Variants in PROSER1 observed in about 807,000 individuals in gnomAD.
The protein encoded by PROSER1 is proline and serine-rich protein 1.
In PROSER1, 36 loss-of-function variants were observed where a neutral mutation model predicts 71.8. That is an observed-to-expected ratio of 0.50 (90% CI 0.38 to 0.66). The LOEUF (loss-of-function observed/expected upper bound fraction) is 0.66. PROSER1 is among the 30% of genes least tolerant of loss of function. The pLI, the probability that PROSER1 is intolerant of heterozygous loss-of-function variation, is 0.00. For missense variants in PROSER1, 1,107 were observed against 1,135.0 expected, an observed-to-expected ratio of 0.98 and a Z score of 0.35; for synonymous variants, 490 against 452.4, an observed-to-expected ratio of 1.08 and a Z score of -1.06.
chr13:39,035,297 CAT>C, intron 1 of PROSER1, among the ~76,000 whole-genome samples: 1 of 152,258 alleles, frequency 6.6e-6, no homozygotes, highest in African/African-American at 2.4e-5. Context: ...GATGCCAAGT[CAT>C]ATCTCAATTC....
Position 39,011,426 on chromosome 13 carries a change from G to A in PROSER1, c.2774C>T (p.Pro925Leu), listed in dbSNP as rs1459416491. The A allele has an allele frequency of 6.2e-7, 1 of 1,614,042 alleles. No individual in the cohort carries two copies. Among genetic ancestry groups the A allele is most frequent in the Non-Finnish European group, 8.5e-7 (1 of 1,179,902 alleles). Reference sequence around the variant, plus strand: ...AGAAAATGGTGTTCCTGGCGCTGAAGGATAACTAGGAAACCCATCAGGCTG... The same window carrying A: ...AGAAAATGGTGTTCCTGGCGCTGAAAGATAACTAGGAAACCCATCAGGCTG... The part of the protein sequence containing the change: ...PAQPDGFPSY[P>L]SAPGTPFSLQ... Residue 925 changes from proline to leucine, a missense_variant, in exon 13 of 13, where the codon CCT (proline) becomes CTT (leucine). By Grantham distance (98) the Pro-to-Leu change is moderately conservative. Coordinates refer to ENST00000352251, the MANE Select transcript of PROSER1 (RefSeq NM_025138.5).
Position 39,011,421 on chromosome 13 carries a change from C to G in PROSER1, c.2779G>C (p.Ala927Pro). 1 of 1,614,104 alleles carries G rather than the reference C, an allele frequency of 6.2e-7. No homozygotes were observed. Among genetic ancestry groups the G allele is most frequent in the South Asian group, 1.1e-5 (1 of 91,086 alleles). ...QPDGFPSYPS[A>P]PGTPFSLQPS... ...TGCAAAGAAAATGGTGTTCCTGGCG[C>G]TGAAGGATAACTAGGAAACCCATCA... Residue 927 changes from alanine to proline, a missense_variant, in exon 13 of 13, where the codon GCG becomes CCG. Ala to Pro is a conservative substitution (Grantham distance 27). Coordinates refer to ENST00000352251, the MANE Select transcript of PROSER1 (RefSeq NM_025138.5).
chr13:39,014,238 T>C lies in PROSER1; in HGVS notation c.1014A>G (p.Arg338=). The C allele has an allele frequency of 6.2e-7, 1 of 1,614,090 alleles. No homozygotes were observed. The highest frequency in any genetic ancestry group is 8.5e-7 in the Non-Finnish European group (1 of 1,180,028). The part of the protein sequence containing the change: ...QPSIPNPTVI[R]TPSLPTAPVT... ...CAGGTGCAGTGGGCAATGAAGGGGT[T>C]CTGATAACTGTTGGGTTTGGTATTG... The change falls in exon 11 of 13, where the codon AGA becomes AGG. Residue 338 remains arginine, a synonymous_variant. Coordinates refer to ENST00000352251, the MANE Select transcript of PROSER1 (RefSeq NM_025138.5).
At chr13:39,022,438 A>C in intron 8 of PROSER1, 26 bp from the exon 9 acceptor site, 1 of 1,496,472 alleles carries the variant, frequency 6.7e-7, no homozygotes, top group Non-Finnish European at 9.3e-7. Context: ...AATAGAAAAA[A>C]ATATACCTTA....
Position 39,011,381 on chromosome 13 carries a change from T to C in PROSER1, c.2819A>G (p.Gln940Arg), listed in dbSNP as rs763755560. The change falls in exon 13 of 13, where the codon CAG becomes CGG. Residue 940 changes from glutamine to arginine, a missense_variant. Coordinates refer to ENST00000352251, the MANE Select transcript of PROSER1 (RefSeq NM_025138.5). ...TPFSLQPSLSQSGWQ is the reference protein window; with the variant it reads ...TPFSLQPSLSRSGWQ ...TAAAAGTATTCACTGCCACCCACTC[T>C]GGGACAGGCTTGGTTGCAAAGAAAA... 2 of 1,614,034 alleles carry C rather than the reference T, an allele frequency of 1.2e-6. No homozygotes were observed. Among genetic ancestry groups the C allele is most frequent in the East Asian group, 2.2e-5 (1 of 44,886 alleles).
chr13:39,014,540 A>T (rs1869917753), intron 10 of PROSER1, 64 bp from the exon 11 acceptor site: 1 of 1,193,546 alleles, frequency 8.4e-7, no homozygotes. Context: ...ATTTTGAATT[A>T]AAAAGCATAA....
intron 10 of PROSER1, among the ~76,000 whole-genome samples, chr13:39,014,887 C>T (rs1869933908): frequency 6.6e-6 from 1 of 152,154 alleles, no homozygotes; most frequent in Non-Finnish European, 1.5e-5. Flanking sequence ...CATGGCTTCC[C>T]TTGCAGGGCC....
intron 1 of PROSER1, 93 bp downstream of exon 1, chr13:39,037,105 C>T: frequency 2.1e-6 from 2 of 971,144 alleles, no homozygotes; most frequent in South Asian, 2.6e-5. Flanking sequence ...TCCTAGGACC[C>T]TTATTCTGCA....
chr13:39,014,561 A>C lies in PROSER1; in HGVS notation c.776-85T>G, dbSNP rs180715103. 2.7e-5 allele frequency: 25 copies of C among 934,714 alleles called. No homozygotes were observed. In the East Asian group the frequency reaches 6.3e-4, roughly 23 times the overall value. 57.9% of individuals were successfully genotyped at this position (934,714 alleles called of 1,614,324 possible). A position where few individuals can be genotyped will look rare whatever the true frequency, so the allele number is the denominator to read the frequency against. On this transcript the variant is annotated intron_variant, in intron 10 of 12. Transcript: ENST00000352251. Reference sequence around the variant, plus strand: ...AATTAAAAAGCATAACCATTTTTGTAATATTTAACAAATACCAAATAAAAA... The same window carrying C: ...AATTAAAAAGCATAACCATTTTTGTCATATTTAACAAATACCAAATAAAAA...
At chr13:39,020,646 G>T (rs1870246072) in intron 9 of PROSER1, among the ~76,000 whole-genome samples, 1 of 152,140 alleles carries the variant, frequency 6.6e-6, no homozygotes, top group Admixed American at 6.5e-5. Context: ...AAACAAAAAT[G>T]TAAGCTAAAT....
intron 1 of PROSER1, 42 bp downstream of exon 1, chr13:39,037,156 G>C (rs374644117): frequency 7.0e-7 from 1 of 1,427,362 alleles, no homozygotes; most frequent in Non-Finnish European, 9.9e-7. Flanking sequence ...TAAAACACGA[G>C]AATTCATCTC....
intron 10 of PROSER1, 107 bp from the exon 11 acceptor site, chr13:39,014,583 AAAAATGACAAGTAT>A (rs1869919524): frequency 6.2e-6 from 5 of 806,842 alleles, no homozygotes; most frequent in Non-Finnish European, 9.6e-6. Flanking sequence ...ATACCAAATA[AAAAATGACAAGTAT>A]AACAGGCTCT....
chr13:39,029,166 C>A, intron 4 of PROSER1, 115 bp downstream of exon 4: 4 of 591,694 alleles, frequency 6.8e-6, no homozygotes, highest in Non-Finnish European at 1.2e-5. Flanking sequence ...GAATGTACCA[C>A]TATGCTTTTG....
chr13:39,031,513 A>C (rs1328873370), intron 3 of PROSER1, 50 bp downstream of exon 3: 4 of 1,331,162 alleles, frequency 3.0e-6, no homozygotes, highest in Non-Finnish European at 3.2e-6. Context: ...AACTGGGAGA[A>C]TTAAAAATAC....
chr13:39,031,450 A>G, intron 3 of PROSER1, 113 bp downstream of exon 3: 2 of 780,182 alleles, frequency 2.6e-6, no homozygotes, highest in Admixed American at 2.8e-5. Context: ...ACAATAACAC[A>G]TAGAGTTCGC....
chr13:39,019,804 TTTA>T (rs1269984960), intron 9 of PROSER1, among the ~76,000 whole-genome samples: 1 of 151,866 alleles, frequency 6.6e-6, no homozygotes, highest in African/African-American at 2.4e-5. Flanking sequence ...ATGTGTAATT[TTTA>T]TTATTAATAA....
rs1490098334 is a variant in PROSER1, at chr13:39,037,956, A to G, written c.-714T>C. 6.6e-6 allele frequency: 1 copy of G among 152,460 alleles called. No homozygotes were observed. Among genetic ancestry groups the G allele is most frequent in the African/African-American group, 2.4e-5 (1 of 41,412 alleles). The allele number at this position is 152,460 out of a possible 1,614,324, so 9.4% of individuals were successfully genotyped here. On this transcript the variant is annotated 5_prime_UTR_variant, in exon 1 of 13. Transcript: ENST00000352251. ...CCTCGCATAGGGGGACTCCGGAAAAACGCAGCCCCAACAGCGCCAGACGCC... is the reference window on the plus strand; with the variant it reads ...CCTCGCATAGGGGGACTCCGGAAAAGCGCAGCCCCAACAGCGCCAGACGCC...
At chr13:39,017,470 C>T (rs753322777) in intron 10 of PROSER1, 30 bp downstream of exon 10, 31 of 1,404,734 alleles carry the variant, frequency 2.2e-5, no homozygotes, top group Admixed American at 1.4e-4. Flanking sequence ...GACAGATATC[C>T]GTTATCTCTG....
chr13:39,029,783 G>C (rs995059385), intron 3 of PROSER1, among the ~76,000 whole-genome samples: 6 of 152,094 alleles, frequency 3.9e-5, no homozygotes, highest in African/African-American at 1.4e-4. Flanking sequence ...GTATGCCACA[G>C]ATCAGTGCTT....
Sources: allele counts gnomAD v4.1 joint callset (sites outside exome capture counted in the v4.1 genomes callset), GRCh38; gene constraint gnomAD v4.1.1; transcripts MANE v1.5; gene names NCBI Gene and HGNC (gene_info 2026-07-23, HGNC 2026-07-21).